Variants in RBM27 observed in about 807,000 individuals in gnomAD.
RBM27 encodes the protein RNA-binding protein 27.
RBM27 carries 22 observed loss-of-function variants against 135.3 expected under a neutral mutation model. That is an observed-to-expected ratio of 0.16 (90% confidence interval 0.12 to 0.23). The LOEUF is 0.23. Ranked by LOEUF, RBM27 falls within the 10% of genes least tolerant of loss-of-function variation. The probability of loss-of-function intolerance (pLI) is 1.00; values close to 1 mark genes in which losing one functional copy is unlikely to be tolerated. For synonymous variants in RBM27, 481 were observed against 442.4 expected, an observed-to-expected ratio of 1.09 and a Z score of -1.10; for missense variants, 1,009 against 1,281.0, an observed-to-expected ratio of 0.79 and a Z score of 3.24.
At chr5:146,218,932 C>G in intron 1 of RBM27, 53 bp from the exon 2 acceptor site, 1 of 1,163,826 alleles carries the variant, frequency 8.6e-7, no homozygotes, top group Non-Finnish European at 1.2e-6. Flanking sequence ...AATAACACTA[C>G]TGTTTGATAA....
intron 8 of RBM27, among the ~76,000 whole-genome samples, chr5:146,250,850 C>T (rs1757854105): frequency 7.3e-6 from 1 of 136,992 alleles, no homozygotes; most frequent in South Asian, 2.5e-4. Context: ...GATCTTGGCT[C>T]ACTGCAACCT....
At chr5:146,215,118 C>T (rs950086217) in intron 1 of RBM27, among the ~76,000 whole-genome samples, 1 of 152,070 alleles carries the variant, frequency 6.6e-6, no homozygotes, top group Admixed American at 6.6e-5. Flanking sequence ...GGCGTGATCT[C>T]GGCTTGCTGC....
At chr5:146,275,308 C>T (rs762836636) in intron 19 of RBM27, among the ~76,000 whole-genome samples, 1 of 151,612 alleles carries the variant, frequency 6.6e-6, no homozygotes, top group Non-Finnish European at 1.5e-5. Flanking sequence ...CTTGCTCTGT[C>T]GCCCAGGCTG....
chr5:146,256,382 T>A (rs968843959), intron 10 of RBM27, among the ~76,000 whole-genome samples: 8 of 148,976 alleles, frequency 5.4e-5, no homozygotes, highest in African/African-American at 2.0e-4. Flanking sequence ...CAGGGTCTCC[T>A]TCTGTCACCT....
intron 3 of RBM27, among the ~76,000 whole-genome samples, chr5:146,223,821 CTGAAAG>C (rs1245614511): frequency 6.6e-6 from 1 of 152,108 alleles, no homozygotes; most frequent in East Asian, 1.9e-4. Context: ...GAGAGATTGA[CTGAAAG>C]TGAACTGTTA....
chr5:146,260,155 C>T (rs1319775070), intron 11 of RBM27, among the ~76,000 whole-genome samples: 3 of 151,764 alleles, frequency 2.0e-5, no homozygotes, highest in Admixed American at 6.6e-5. Flanking sequence ...AAAAATTAGT[C>T]GTGCGTGTTG....
intron 9 of RBM27, among the ~76,000 whole-genome samples, chr5:146,252,512 A>G (rs913614782): frequency 2.6e-5 from 4 of 152,218 alleles, no homozygotes; most frequent in Admixed American, 1.3e-4. Flanking sequence ...TCATTTGATT[A>G]TGTAACTTCT....
In RBM27 at chr5:146,203,813, A is replaced by G. The variant is rs1285014810; in HGVS notation, c.48A>G (p.Leu16=). 1.3e-6 allele frequency: 2 copies of G among 1,522,202 alleles called. No individual in the cohort carries two copies. The highest frequency in any genetic ancestry group is 1.8e-6 in the Non-Finnish European group (2 of 1,129,832). The allele number at this position is 1,522,202 out of a possible 1,614,324, so 94.3% of individuals were successfully genotyped here. A position where few individuals can be genotyped will look rare whatever the true frequency, so the allele number is the denominator to read the frequency against. ...VDALKSWLAK[L]LEPICDADPS... Reference sequence around the variant, plus strand: ...CCCTCAAGTCCTGGCTGGCCAAGTTACTGGAGCCGATGTGAGTGAGCCGGG... The same window carrying G: ...CCCTCAAGTCCTGGCTGGCCAAGTTGCTGGAGCCGATGTGAGTGAGCCGGG... Residue 16 remains leucine (L), a synonymous_variant, in exon 1 of 21, where the codon TTA becomes TTG. Transcript: ENST00000265271.
At chr5:146,269,368 T>C in intron 16 of RBM27, 52 bp from the exon 17 acceptor site, 1 of 1,486,472 alleles carries the variant, frequency 6.7e-7, no homozygotes, top group Non-Finnish European at 9.1e-7. Context: ...AAAGACTTCT[T>C]TATATTAAAG....
intron 19 of RBM27, among the ~76,000 whole-genome samples, chr5:146,275,261 AATTTTTTTTT>A (rs1246299851): frequency 2.0e-5 from 3 of 151,612 alleles, no homozygotes; most frequent in Non-Finnish European, 4.4e-5. Flanking sequence ...TTTTAATTTT[AATTTTTTTTT>A]ATTTTTTATT....
At position 146,286,943 on chromosome 5, in the gene RBM27, C is replaced by T. The variant is rs1759609803; in HGVS notation, c.*913C>T. The stretch of plus-strand genomic sequence containing the variant: ...GCAGTCTCCAATAAAAGGTTCAAAC[C>T]AGCACCTGGATAAATAAGTGATGTT... On this transcript the variant is annotated 3_prime_UTR_variant, in exon 21 of 21. Transcript: ENST00000265271. 6.6e-6 allele frequency: 1 copy of T among 152,460 alleles called. No individual in the cohort carries two copies. Among genetic ancestry groups the T allele is most frequent in the Non-Finnish European group, 1.5e-5 (1 of 68,024 alleles). 9.4% of individuals were successfully genotyped at this position (152,460 alleles called of 1,614,324 possible). A position where few individuals can be genotyped will look rare whatever the true frequency, so the allele number is the denominator to read the frequency against.
intron 1 of RBM27, among the ~76,000 whole-genome samples, chr5:146,218,489 A>G (rs372543821): frequency 5.3e-5 from 8 of 152,300 alleles, no homozygotes; most frequent in South Asian, 2.1e-4. Context: ...GATCTTTAAG[A>G]TACTCGCTGA....
At chr5:146,225,017 T>C (rs1213059464) in intron 3 of RBM27, among the ~76,000 whole-genome samples, 1 of 152,252 alleles carries the variant, frequency 6.6e-6, no homozygotes, top group Non-Finnish European at 1.5e-5. Flanking sequence ...ACTATGATAC[T>C]GTGATCAAGT....
At chr5:146,270,213 A>G (rs1329359733) in intron 17 of RBM27, among the ~76,000 whole-genome samples, 1 of 152,054 alleles carries the variant, frequency 6.6e-6, no homozygotes, top group Non-Finnish European at 1.5e-5. Flanking sequence ...TCCTTGCTGT[A>G]CTTGGTTTAG....
intron 1 of RBM27, among the ~76,000 whole-genome samples, chr5:146,210,556 C>G (rs780641439): frequency 6.6e-6 from 1 of 152,054 alleles, no homozygotes; most frequent in Admixed American, 6.6e-5. Context: ...TGAGAGGACA[C>G]AGAAGGTACC....
chr5:146,214,311 C>A (rs565109938), intron 1 of RBM27, among the ~76,000 whole-genome samples: 2 of 152,274 alleles, frequency 1.3e-5, no homozygotes, highest in South Asian at 2.1e-4. Flanking sequence ...TCTCTTTCAT[C>A]CCCAAATATG....
At chr5:146,205,919 T>C (rs1443755633) in intron 1 of RBM27, among the ~76,000 whole-genome samples, 1 of 152,096 alleles carries the variant, frequency 6.6e-6, no homozygotes, top group Non-Finnish European at 1.5e-5. Context: ...CTCGGGAGGC[T>C]GAGGCAGAAG....
intron 1 of RBM27, among the ~76,000 whole-genome samples, chr5:146,216,534 T>C: frequency 6.6e-6 from 1 of 152,202 alleles, no homozygotes; most frequent in African/African-American, 2.4e-5. Flanking sequence ...ATCTACTCTC[T>C]TAGCAAATTC....
intron 1 of RBM27, among the ~76,000 whole-genome samples, chr5:146,208,303 T>C (rs1755789643): frequency 6.6e-6 from 1 of 152,176 alleles, no homozygotes; most frequent in South Asian, 2.1e-4. Flanking sequence ...TTATTCCCTA[T>C]GGACAAGTTA....
Sources: gnomAD v4.1 joint callset for allele counts (sites outside exome capture counted in the v4.1 genomes callset) on GRCh38, gnomAD v4.1.1 for gene constraint, MANE v1.5 for transcripts, NCBI Gene and HGNC (gene_info 2026-07-23, HGNC 2026-07-21) for gene names.